Variants in TBC1D5 observed in about 807,000 individuals in gnomAD.
TBC1D5 encodes TBC1 domain family, member 5.
In TBC1D5, 75 loss-of-function variants were observed where a neutral mutation model predicts 100.3. The ratio of observed to expected loss-of-function variants is 0.75; its 90% CI spans 0.62 to 0.91. The LOEUF (loss-of-function observed/expected upper bound fraction) is 0.91, where lower values mean the gene tolerates loss of function less well. Among genes scored for constraint, TBC1D5 ranks in the 40% least tolerant of loss-of-function variants. TBC1D5 has a pLI of 0.00. For missense variants in TBC1D5, 910 were observed against 942.4 expected, an observed-to-expected ratio of 0.97 and a Z score of 0.45; for synonymous variants, 323 against 325.6, an observed-to-expected ratio of 0.99 and a Z score of 0.09.
intron 2 of TBC1D5, among the ~76,000 whole-genome samples, chr3:17,559,256 T>G (rs2096541923): frequency 6.6e-6 from 1 of 152,014 alleles, no homozygotes; most frequent in African/African-American, 2.4e-5. Flanking sequence ...TTCTCCTGCC[T>G]CAGCCTCCCA....
rs1449260785 is a variant in TBC1D5 at position 17,293,092 on chromosome 3, T to TAG, written c.1139-1092_1139-1091insCT. Among the ~76,000 whole-genome samples, 4 of 152,348 alleles carry TAG rather than the reference T, an allele frequency of 2.6e-5. No individual in the cohort carries two copies. In the East Asian group the frequency reaches 7.7e-4, roughly 29 times the overall value. The stretch of plus-strand genomic sequence containing the variant: ...TTATAATCTATGTAAGGAATCACTT[T>TAG]ATCATCTTCATTTTCATTGCTGCTA... On this transcript the variant is annotated intron_variant, in intron 14 of 21. Coordinates refer to ENST00000253692, the Ensembl canonical transcript of TBC1D5.
intron 1 of TBC1D5, among the ~76,000 whole-genome samples, chr3:17,649,292 G>T (rs2065308485): frequency 6.6e-6 from 1 of 151,982 alleles, no homozygotes; most frequent in Non-Finnish European, 1.5e-5. Flanking sequence ...ACACAAAGAA[G>T]GAAATAACAC....
chr3:17,171,676 T>C (rs2067183963), intron 19 of TBC1D5, among the ~76,000 whole-genome samples: 1 of 152,120 alleles, frequency 6.6e-6, no homozygotes, highest in South Asian at 2.1e-4. Flanking sequence ...TAAGCCCTAA[T>C]CTAGTATGAT....
At chr3:17,362,114 C>G (rs9828968) in intron 13 of TBC1D5, among the ~76,000 whole-genome samples, 1 of 151,830 alleles carries the variant, frequency 6.6e-6, no homozygotes, top group East Asian at 1.9e-4. Context: ...AAAAGTTGAC[C>G]AATACCTTTT....
At chr3:17,325,237 G>T (rs2085934541) in intron 13 of TBC1D5, among the ~76,000 whole-genome samples, 1 of 146,930 alleles carries the variant, frequency 6.8e-6, no homozygotes, top group African/African-American at 2.5e-5. Context: ...AACAAATTGT[G>T]GTATATCCAG....
chr3:17,278,916 T>C (rs1231168456), intron 15 of TBC1D5, among the ~76,000 whole-genome samples: 1 of 152,252 alleles, frequency 6.6e-6, no homozygotes, highest in Non-Finnish European at 1.5e-5. Context: ...ATTCTGTAAC[T>C]TTTAGGTGTT....
intron 13 of TBC1D5, among the ~76,000 whole-genome samples, chr3:17,328,694 G>A (rs943573800): frequency 6.6e-6 from 1 of 152,154 alleles, no homozygotes; most frequent in African/African-American, 2.4e-5. Context: ...TTCAGAAATA[G>A]TGGAGACCTA....
chr3:17,667,828 C>T (rs1473169577), intron 1 of TBC1D5, among the ~76,000 whole-genome samples: 1 of 151,720 alleles, frequency 6.6e-6, no homozygotes, highest in Non-Finnish European at 1.5e-5. Context: ...AAAGACAAAA[C>T]CTTTTTGTGG....
At chr3:17,515,364 C>T (rs1418833399) in intron 2 of TBC1D5, among the ~76,000 whole-genome samples, 1 of 152,150 alleles carries the variant, frequency 6.6e-6, no homozygotes, top group Non-Finnish European at 1.5e-5. Context: ...CGTTTTAGTA[C>T]TTCCTTTAGT....
At chr3:17,620,985 T>C (rs1191720309) in intron 2 of TBC1D5, among the ~76,000 whole-genome samples, 4 of 152,320 alleles carry the variant, frequency 2.6e-5, no homozygotes, top group Admixed American at 2.6e-4. Flanking sequence ...TTTTTTGGTA[T>C]GTTTGTTTCT....
intron 3 of TBC1D5, among the ~76,000 whole-genome samples, chr3:17,437,499 G>C (rs2094556383): frequency 6.6e-6 from 1 of 151,950 alleles, no homozygotes; most frequent in African/African-American, 2.4e-5. Context: ...TTACAAGAGG[G>C]GGTGGTACCA....
intron 15 of TBC1D5, among the ~76,000 whole-genome samples, chr3:17,284,124 G>T (rs283924): frequency 7.5e-6 from 1 of 134,022 alleles, no homozygotes; most frequent in Non-Finnish European, 1.6e-5. Context: ...ACACACACAC[G>T]TATTTTTAAT....
chr3:17,447,192 A>G (rs1478513467), intron 3 of TBC1D5, among the ~76,000 whole-genome samples: 4 of 152,200 alleles, frequency 2.6e-5, no homozygotes, highest in African/African-American at 4.8e-5. Flanking sequence ...CACCAGAGTA[A>G]AATGTAAAAT....
intron 1 of TBC1D5, among the ~76,000 whole-genome samples, chr3:17,702,885 A>T (rs968838289): frequency 5.3e-5 from 8 of 152,150 alleles, no homozygotes; most frequent in Non-Finnish European, 1.2e-4. Context: ...ATCATGAACA[A>T]TTAAAAGTAT....
chr3:17,709,733 T>G (rs1430941182), intron 1 of TBC1D5, among the ~76,000 whole-genome samples: 1 of 152,126 alleles, frequency 6.6e-6, no homozygotes, highest in Non-Finnish European at 1.5e-5. Flanking sequence ...TAAAAAAAAT[T>G]TTTTTTAATT....
At chr3:17,313,990 C>T (rs182638900) in intron 13 of TBC1D5, among the ~76,000 whole-genome samples, 2 of 152,290 alleles carry the variant, frequency 1.3e-5, no homozygotes, top group Admixed American at 1.3e-4. Flanking sequence ...TCTTCTTTCT[C>T]TTCTTTCCTG....
At chr3:17,537,926 G>A (rs1280691621) in intron 2 of TBC1D5, among the ~76,000 whole-genome samples, 1 of 152,188 alleles carries the variant, frequency 6.6e-6, no homozygotes, top group East Asian at 1.9e-4. Flanking sequence ...AGGAGGTCCT[G>A]ACGACATGTG....
chr3:17,589,422 G>A (rs540806792), intron 2 of TBC1D5, among the ~76,000 whole-genome samples: 3 of 152,304 alleles, frequency 2.0e-5, no homozygotes, highest in Admixed American at 2.0e-4. Context: ...CTAGTGTGAG[G>A]TAACTGAATC....
At chr3:17,722,835 C>G (rs2075815154) in intron 1 of TBC1D5, among the ~76,000 whole-genome samples, 1 of 152,166 alleles carries the variant, frequency 6.6e-6, no homozygotes, top group Non-Finnish European at 1.5e-5. Context: ...CTAGGATCTC[C>G]CTTACACAAA....
Sources: allele counts gnomAD v4.1 joint callset (sites outside exome capture counted in the v4.1 genomes callset), GRCh38; gene constraint gnomAD v4.1.1; transcripts MANE v1.5; gene names NCBI Gene and HGNC (gene_info 2026-07-23, HGNC 2026-07-21).